The following AMD1 variants were observed in gnomAD, a reference collection of about 807,000 sequenced individuals.
The protein encoded by AMD1 is S-adenosylmethionine decarboxylase proenzyme.
A neutral mutation model predicts 40.2 loss-of-function variants in AMD1; 11 were observed. That is an observed-to-expected ratio of 0.27 (90% confidence interval 0.17 to 0.45). AMD1 has a LOEUF of 0.45. AMD1 is among the 20% of genes least tolerant of loss of function. AMD1 has a pLI of 1.00. For missense variants in AMD1, 257 were observed against 410.2 expected (o/e 0.63, Z 3.23); for synonymous variants, 121 against 130.8 (o/e 0.93, Z 0.51).
chr6:110,842,407 G>T, the AMD1 span, among the ~76,000 whole-genome samples: 22 of 152,248 alleles, frequency 1.4e-4, no homozygotes, highest in Admixed American at 1.3e-3. Context: ...AAACATTCTT[G>T]TTCTCTAAAT....
intron 1 of AMD1, among the ~76,000 whole-genome samples, chr6:110,882,570 A>G (rs760254285): frequency 1.3e-5 from 2 of 152,196 alleles, no homozygotes; most frequent in Non-Finnish European, 2.9e-5. Flanking sequence ...TTTTATGTAC[A>G]TGTATAGCAT....
chr6:110,815,221 A>G, the AMD1 span: 19 of 1,311,614 alleles, frequency 1.4e-5, no homozygotes, highest in Non-Finnish European at 1.9e-5. Flanking sequence ...CCGCCGCTCC[A>G]CTTCTCCAAC....
chr6:110,841,441 C>T, the AMD1 span, among the ~76,000 whole-genome samples: 24 of 152,320 alleles, frequency 1.6e-4, no homozygotes, highest in Admixed American at 8.5e-4. Flanking sequence ...GGCTTGCTCA[C>T]GGGCATGTCC....
At chr6:110,841,960 G>A in the AMD1 span, among the ~76,000 whole-genome samples, 23 of 152,024 alleles carry the variant, frequency 1.5e-4, no homozygotes, top group East Asian at 9.7e-4. Flanking sequence ...GCACCACCAC[G>A]CCTGGCTAAT....
chr6:110,846,249 A>G, the AMD1 span, among the ~76,000 whole-genome samples: 1 of 152,172 alleles, frequency 6.6e-6, no homozygotes, highest in African/African-American at 2.4e-5. Flanking sequence ...AACAACAACA[A>G]CAACAAAAAC....
At chr6:110,831,434 G>A in the AMD1 span, among the ~76,000 whole-genome samples, 5 of 146,996 alleles carry the variant, frequency 3.4e-5, no homozygotes, top group Middle Eastern at 3.5e-3. Context: ...GCAAGACTCC[G>A]TCTCAAAAAA....
At chr6:110,823,118 A>G in the AMD1 span, among the ~76,000 whole-genome samples, 1 of 152,198 alleles carries the variant, frequency 6.6e-6, no homozygotes, top group East Asian at 1.9e-4. Flanking sequence ...TCTGTCTCAA[A>G]AAAAAGCATA....
the AMD1 span, among the ~76,000 whole-genome samples, chr6:110,842,340 G>C: frequency 6.6e-6 from 1 of 152,182 alleles, no homozygotes; most frequent in Admixed American, 6.6e-5. Context: ...TTGGAAGACA[G>C]GGATAATGAC....
At chr6:110,838,093 C>A in the AMD1 span, among the ~76,000 whole-genome samples, 2 of 140,882 alleles carry the variant, frequency 1.4e-5, no homozygotes, top group African/African-American at 5.3e-5. Flanking sequence ...TCCTCTGATA[C>A]ATGAAAGTTT....
the AMD1 span, among the ~76,000 whole-genome samples, chr6:110,821,596 G>A: frequency 6.6e-6 from 1 of 151,822 alleles, no homozygotes; most frequent in Non-Finnish European, 1.5e-5. Context: ...CCTGGGAGAC[G>A]AGCAAAACTC....
chr6:110,828,433 C>CAA, the AMD1 span, among the ~76,000 whole-genome samples: 1 of 127,996 alleles, frequency 7.8e-6, no homozygotes, highest in African/African-American at 2.9e-5. Flanking sequence ...AACTCTGTCT[C>CAA]AAAAAAAAAA....
Position 110,890,402 on chromosome 6 carries a change from A to T in AMD1, c.427+46A>T, listed in dbSNP as rs541903808. 1.0e-5 allele frequency: 14 copies of T among 1,342,102 alleles called. No homozygotes were observed. In the South Asian group the frequency reaches 1.8e-4, roughly 17 times the overall value. The allele number at this position is 1,342,102 out of a possible 1,614,324, so 83.1% of individuals were successfully genotyped here. ...AACCTGTTGTCTTCTTAAAGATAGA[A>T]AGTGCAACCTCAGAGATCTTTCTAT... On this transcript the variant is annotated intron_variant, in intron 4 of 8. Transcript: ENST00000368885.
the AMD1 span, among the ~76,000 whole-genome samples, chr6:110,834,578 T>A: frequency 6.6e-6 from 1 of 152,172 alleles, no homozygotes; most frequent in Admixed American, 6.6e-5. Flanking sequence ...CTCCCAGCAC[T>A]TTGGAAGGCC....
At chr6:110,826,688 C>CTTT in the AMD1 span, among the ~76,000 whole-genome samples, 2 of 131,400 alleles carry the variant, frequency 1.5e-5, no homozygotes, top group Non-Finnish European at 3.2e-5. Flanking sequence ...TCTTTTCTTT[C>CTTT]TTTTTTTTTT....
chr6:110,892,071 G>A (rs774211095), intron 4 of AMD1, 90 bp from the exon 5 acceptor site: 6 of 1,408,880 alleles, frequency 4.3e-6, no homozygotes, highest in Non-Finnish European at 6.0e-6. Flanking sequence ...GTGGCAAATA[G>A]TATCATTCTG....
the AMD1 span, chr6:110,814,978 G>A: frequency 6.3e-7 from 1 of 1,598,172 alleles, no homozygotes. Context: ...GAGGACCCGA[G>A]CGAGCCTACT....
intron 1 of AMD1, among the ~76,000 whole-genome samples, chr6:110,884,755 T>C (rs941364000): frequency 6.6e-6 from 1 of 152,188 alleles, no homozygotes; most frequent in Non-Finnish European, 1.5e-5. Context: ...AGGAAAAGAC[T>C]GTTACACTGT....
the AMD1 span, among the ~76,000 whole-genome samples, chr6:110,836,233 GAAC>G: frequency 2.0e-5 from 3 of 151,912 alleles, no homozygotes; most frequent in Admixed American, 6.6e-5. Context: ...AAAGATACAT[GAAC>G]AACAACAAAA....
upstream of AMD1, among the ~76,000 whole-genome samples, chr6:110,874,263 G>C (rs768091031): frequency 3.4e-4 from 52 of 152,218 alleles, no homozygotes; most frequent in Non-Finnish European, 5.9e-4. Context: ...CAACGTGCGC[G>C]TCACGGACAA....
Sources: allele counts gnomAD v4.1 joint callset (sites outside exome capture counted in the v4.1 genomes callset), GRCh38; gene constraint gnomAD v4.1.1; transcripts MANE v1.5; gene names NCBI Gene and HGNC (gene_info 2026-07-23, HGNC 2026-07-21).